The following PCDHA10 variants were observed in gnomAD, a reference collection of about 807,000 sequenced individuals.
PCDHA10 encodes protocadherin alpha 10, also known as protocadherin alpha-10.
In PCDHA10, 45 loss-of-function variants were observed where a neutral mutation model predicts 61.2. The observed-to-expected ratio is 0.74, with a 90% CI of 0.58 to 0.94. The LOEUF is 0.94. Ranked by LOEUF, PCDHA10 falls within the 40% of genes least tolerant of loss-of-function variation. PCDHA10 has a pLI of 0.00. For synonymous variants in PCDHA10, 602 were observed against 548.8 expected (o/e 1.10, Z -1.35); for missense variants, 1,278 against 1,236.2 (o/e 1.03, Z -0.51).
chr5:140,875,642 C>T (rs2153326944), intron 1 of PCDHA10: 3 of 1,613,606 alleles, frequency 1.9e-6, no homozygotes, highest in East Asian at 4.5e-5. Context: ...CTGGAGCTGG[C>T]GGAGCTGGTG....
chr5:140,993,449 C>T (rs2097557237), intron 3 of PCDHA10, among the ~76,000 whole-genome samples: 1 of 144,318 alleles, frequency 6.9e-6, no homozygotes, highest in Non-Finnish European at 1.5e-5. Context: ...TTCCTGTTCT[C>T]CTTCTTTCTT....
At chr5:140,861,618 C>T (rs1035938345) in intron 1 of PCDHA10, 1 of 340,802 alleles carries the variant, frequency 2.9e-6, no homozygotes, top group Non-Finnish European at 6.0e-6. Flanking sequence ...AGACAACCTG[C>T]CAGTGTTCTC....
chr5:140,953,101 T>C (rs1297450101), intron 1 of PCDHA10, among the ~76,000 whole-genome samples: 1 of 152,130 alleles, frequency 6.6e-6, no homozygotes, highest in Non-Finnish European at 1.5e-5. Context: ...TGACATGAGA[T>C]TTGGGCAGGG....
chr5:140,979,094 T>G, intron 2 of PCDHA10, 87 bp downstream of exon 2: 3 of 1,551,990 alleles, frequency 1.9e-6, no homozygotes, highest in Non-Finnish European at 2.6e-6. Context: ...CAGAAGCAGC[T>G]GTCAAAACTA....
At chr5:140,869,926 G>T in intron 1 of PCDHA10, 1 of 1,611,516 alleles carries the variant, frequency 6.2e-7, no homozygotes, top group Non-Finnish European at 8.5e-7. Flanking sequence ...AGGAGTCAAT[G>T]GAGAGGTAAC....
chr5:140,927,480 C>T (rs782233621), intron 1 of PCDHA10: 3 of 1,613,976 alleles, frequency 1.9e-6, no homozygotes, highest in African/African-American at 1.3e-5. Context: ...GCGAACAGCG[C>T]GCCACCCACC....
At position 140,859,346 on chromosome 5, in the gene PCDHA10, T is replaced by G. The variant is rs978302846; in HGVS notation, c.2388+910T>G. On this transcript the variant is annotated intron_variant, in intron 1 of 3. Transcript: ENST00000307360. ...AGGAGAAAATAAAATTAATGTTTTCTACTGATCTGATATATTGTATAGTTT... is the reference window on the plus strand; with the variant it reads ...AGGAGAAAATAAAATTAATGTTTTCGACTGATCTGATATATTGTATAGTTT... 7 of 128,770 alleles carry G rather than the reference T, an allele frequency of 5.4e-5. 1 individual carries two copies. In the Admixed American group the frequency reaches 5.5e-4, roughly 10 times the overall value. 8.0% of individuals were successfully genotyped at this position (128,770 alleles called of 1,614,324 possible).
chr5:140,917,329 G>GC (rs1563018868), intron 1 of PCDHA10, among the ~76,000 whole-genome samples: 1 of 143,930 alleles, frequency 6.9e-6, no homozygotes, highest in Non-Finnish European at 1.5e-5. Flanking sequence ...TGTGGCGGGG[G>GC]AGGGGGGGGA....
chr5:140,942,497 G>A (rs189402882), intron 1 of PCDHA10, among the ~76,000 whole-genome samples: 1 of 152,040 alleles, frequency 6.6e-6, no homozygotes, highest in Admixed American at 6.6e-5. Context: ...TAAATACATG[G>A]TATCTAGGAA....
Position 140,858,190 on chromosome 5 carries a change from G to T in PCDHA10, c.2142G>T (p.Leu714=). 1 of 1,597,502 alleles carries T rather than the reference G, an allele frequency of 6.3e-7. No individual in the cohort carries two copies. Among genetic ancestry groups the T allele is most frequent in the Admixed American group, 1.7e-5 (1 of 59,330 alleles). ...AVSSLLVLTL[L]LYTALRCSAA... ...CCAGCTTGCTGGTGCTCACGCTGCT[G>T]CTGTACACTGCACTGAGGTGCTCGG... The change falls in exon 1 of 4, where the codon CTG becomes CTT. Residue 714 remains leucine (L), a synonymous_variant. Coordinates refer to ENST00000307360, the MANE Select transcript of PCDHA10 (RefSeq NM_018901.4).
At chr5:140,955,163 TTTGG>T (rs1445630947) in intron 1 of PCDHA10, among the ~76,000 whole-genome samples, 2 of 152,184 alleles carry the variant, frequency 1.3e-5, no homozygotes, top group Admixed American at 6.5e-5. Flanking sequence ...ACCGTGCTGT[TTTGG>T]TTACTGTAGT....
At chr5:140,966,469 C>G (rs1308389710) in intron 1 of PCDHA10, 1 of 432,506 alleles carries the variant, frequency 2.3e-6, no homozygotes, top group African/African-American at 2.0e-5. Context: ...GTCTTCCCTT[C>G]TGTTTCCTTT....
chr5:140,875,767 A>G, intron 1 of PCDHA10: 1 of 1,614,144 alleles, frequency 6.2e-7, no homozygotes, highest in Non-Finnish European at 8.5e-7. Context: ...GTGCGGGCGG[A>G]GCGCGGAGTG....
chr5:140,924,907 AAAAT>A (rs1563068966), intron 1 of PCDHA10, among the ~76,000 whole-genome samples: 53 of 50,956 alleles, frequency 1.0e-3, no homozygotes, highest in African/African-American at 2.1e-3. Flanking sequence ...AAAAAAAAAT[AAAAT>A]AAAATAAAAT....
chr5:141,002,146 CT>C (rs2098061512), intron 3 of PCDHA10, among the ~76,000 whole-genome samples: 1 of 152,250 alleles, frequency 6.6e-6, no homozygotes, highest in Admixed American at 6.5e-5. Flanking sequence ...GCTGCACTGA[CT>C]TAGCAGAGTG....
Position 140,876,798 on chromosome 5 carries a change from C to G in PCDHA10, c.2388+18362C>G, listed in dbSNP as rs199586239. 1.6e-4 allele frequency: 252 copies of G among 1,614,180 alleles called. 4 individuals are homozygous for G. The East Asian group carries it at 3.4e-3, about 22-fold the overall frequency. ...CGCTGTGGGCCACGGCTAGAGTGTC[C>G]GTGGAGGTGGCCGACGTGAACGACA... On this transcript the variant is annotated intron_variant, in intron 1 of 3. Coordinates refer to ENST00000307360, the MANE Select transcript of PCDHA10 (RefSeq NM_018901.4).
At chr5:140,902,043 G>A (rs1294111308) in intron 1 of PCDHA10, among the ~76,000 whole-genome samples, 2 of 151,980 alleles carry the variant, frequency 1.3e-5, no homozygotes, top group Non-Finnish European at 2.9e-5. Flanking sequence ...TTTGTATGTT[G>A]ATTTTGTATC....
rs782269515 is a variant in PCDHA10, at chr5:140,857,164, C to A, written c.1116C>A (p.Ser372Arg). 1.9e-6 allele frequency: 3 copies of A among 1,598,230 alleles called. No homozygotes were observed. Among genetic ancestry groups the A allele is most frequent in the South Asian group, 1.1e-5 (1 of 90,536 alleles). The change falls in exon 1 of 4, where the codon AGC becomes AGA. Residue 372 changes from serine (S) to arginine (R), a missense_variant. Physicochemically the swap from Ser to Arg is moderately radical, Grantham distance 110. Coordinates refer to ENST00000307360, the MANE Select transcript of PCDHA10 (RefSeq NM_018901.4). The stretch of plus-strand genomic sequence containing the variant: ...TGGGCACCGTCATTGCCCTAATCAG[C>A]GTTTCTGACCATGATTCAGGAGCCA... ...AQVGTVIALI[S>R]VSDHDSGANG...
At chr5:140,931,970 G>A (rs2087909153) in intron 1 of PCDHA10, among the ~76,000 whole-genome samples, 1 of 151,866 alleles carries the variant, frequency 6.6e-6, no homozygotes, top group Non-Finnish European at 1.5e-5. Flanking sequence ...TGATGCATAT[G>A]TGTTTATATT....
Sources: allele counts gnomAD v4.1 joint callset (sites outside exome capture counted in the v4.1 genomes callset), GRCh38; gene constraint gnomAD v4.1.1; transcripts MANE v1.5; gene names NCBI Gene and HGNC (gene_info 2026-07-23, HGNC 2026-07-21).